Variants in ASB10 observed in about 807,000 individuals in gnomAD.
ASB10 encodes the protein ankyrin repeat and SOCS box containing 10.
Under a neutral mutation model 35.4 loss-of-function variants are expected in ASB10, and 44 were observed. The ratio of observed to expected loss-of-function variants is 1.24; its 90% CI spans 0.98 to 1.60. ASB10 has a LOEUF of 1.60. Among genes scored for constraint, ASB10 ranks in the 40% most tolerant of loss-of-function variants. The pLI is 0.00. For missense variants in ASB10, 647 were observed against 634.3 expected (o/e 1.02, Z -0.22); for synonymous variants, 294 against 280.4 (o/e 1.05, Z -0.49).
upstream of ASB10, chr7:151,187,353 A>C: frequency 3.9e-6 from 6 of 1,532,980 alleles, no homozygotes; most frequent in Non-Finnish European, 5.3e-6. The surrounding 1 kb of genome is among the most constrained non-coding windows in gnomAD (Gnocchi z 5.3). Context: ...GGGGAGAAAC[A>C]GCCGGGGGCT....
intron 2 of ASB10, 128 bp downstream of exon 2, chr7:151,186,264 C>A (rs1194894546): frequency 8.1e-7 from 1 of 1,233,758 alleles, no homozygotes; most frequent in South Asian, 1.6e-5. Context: ...AGTAATTGCA[C>A]CCTGACCCGC....
In ASB10 at chr7:151,181,432, C is replaced by T; in HGVS notation, c.611G>A (p.Gly204Glu). 1 of 1,603,208 alleles carries T rather than the reference C, an allele frequency of 6.2e-7. No individual in the cohort carries two copies. Among genetic ancestry groups the T allele is most frequent in the Non-Finnish European group, 8.5e-7 (1 of 1,173,068 alleles). ...CTCGGACCGACCATCCACTCTCGCTCCAAACCTGAGGAGCAGCTCCGCACA... is the reference window on the plus strand; with the variant it reads ...CTCGGACCGACCATCCACTCTCGCTTCAAACCTGAGGAGCAGCTCCGCACA... ...LECAELLLRF[G>E]ARVDGRSEEE... is the part of the protein sequence containing the mutation. Residue 204 changes from glycine (G) to glutamate (E), a missense_variant, in exon 3 of 6, where the codon GGA becomes GAA. By Grantham distance (98) the Gly-to-Glu change is moderately conservative (BLOSUM62 -2). Coordinates refer to ENST00000420175, the MANE Select transcript of ASB10 (RefSeq NM_001142459.2).
rs1801436360 is a variant in ASB10, at chr7:151,178,873, C to T, written c.1104+2066G>A. 3.9e-5 allele frequency among the ~76,000 whole-genome samples: 6 copies of T among 152,338 alleles called. No individual in the cohort carries two copies. The South Asian group carries it at 1.0e-3, about 26-fold the overall frequency. Reference sequence around the variant, plus strand: ...CAGGCTGGTTCTCTCCAACTCTCCTCTCCACCTGCCCCTCAGGCCCGTCTC... The same window carrying T: ...CAGGCTGGTTCTCTCCAACTCTCCTTTCCACCTGCCCCTCAGGCCCGTCTC... On this transcript the variant is annotated intron_variant, in intron 3 of 5. Transcript: ENST00000420175.
At position 151,176,211 on chromosome 7, in the gene ASB10, G is replaced by A. The variant is rs138510080; in HGVS notation, c.1305C>T (p.Ser435=). ...CTTGGGGCAGGCTGCCCTCCAGGTG[G>A]GAGCGGAGCGCACAGCGGCTCAAAT... ...LQHLSRCALR[S]HLEGSLPQAL... The change falls in exon 5 of 6, where the codon TCC becomes TCT. Residue 435 remains serine, a synonymous_variant. Coordinates refer to ENST00000420175, the MANE Select transcript of ASB10 (RefSeq NM_001142459.2). The A allele has an allele frequency of 8.7e-6, 14 of 1,608,642 alleles. No homozygotes were observed. Among genetic ancestry groups the A allele is most frequent in the Non-Finnish European group, 1.1e-5 (13 of 1,178,384 alleles).
At chr7:151,181,611 C>T (rs1801496421) in intron 2 of ASB10, among the ~76,000 whole-genome samples, 153 bp from the exon 3 acceptor site, 1 of 146,058 alleles carries the variant, frequency 6.8e-6, no homozygotes, top group African/African-American at 2.5e-5. Flanking sequence ...CAACAGTGCC[C>T]TTCTTTTTTT....
Position 151,186,962 on chromosome 7 carries a change from C to G in ASB10, c.169G>C (p.Ala57Pro). The stretch of plus-strand genomic sequence containing the variant: ...CCAGCCAGCACTGCCTGCCAGAAGG[C>G]AAGGGCAGGTCCTGAGGCTGTGCGG... Reference protein sequence around the residue: ...VTRTASGPALAFWQAVLAGDV... With the variant: ...VTRTASGPALPFWQAVLAGDV... The change falls in exon 1 of 6, where the codon GCC (alanine) becomes CCC (proline). Residue 57 changes from alanine to proline, a missense_variant. Physicochemically the swap from Ala to Pro is conservative, Grantham distance 27. Coordinates refer to ENST00000420175, the MANE Select transcript of ASB10 (RefSeq NM_001142459.2). The G allele has an allele frequency of 6.2e-7, 1 of 1,613,884 alleles. No homozygotes were observed. The highest frequency in any genetic ancestry group is 8.5e-7 in the Non-Finnish European group (1 of 1,180,018).
In ASB10 at chr7:151,187,116, C is replaced by A. The variant is rs750229976; in HGVS notation, c.15G>T (p.Trp5Cys). The A allele has an allele frequency of 8.2e-6, 13 of 1,591,124 alleles. No individual in the cohort carries two copies. The Admixed American group carries it at 2.3e-4, about 29-fold the overall frequency. The change falls in exon 1 of 6, where the codon TGG (tryptophan) becomes TGT (cysteine). Residue 5 changes from tryptophan to cysteine, a missense_variant. Coordinates refer to ENST00000420175, the MANE Select transcript of ASB10 (RefSeq NM_001142459.2). This position sits in a 1 kb window ranked among gnomAD's most constrained non-coding sequence, Gnocchi z 5.3. ...CCTGCCCCTTGCACTCTTCTGGAGA[C>A]CAACTCATGAGCATGTGGGCAGGGA... MLMS[W>C]SPEECKGQGE...
chr7:151,181,173 C>A lies in ASB10; in HGVS notation c.870G>T (p.Ala290=), dbSNP rs2253592. ...GCAGGGGTCGCTGCTTGTCCTGGTCCGCAGCATCAGCGTCTGCTCCAGCTG... is the reference window on the plus strand; with the variant it reads ...GCAGGGGTCGCTGCTTGTCCTGGTCAGCAGCATCAGCGTCTGCTCCAGCTG... ...LLSAGADADA[A]DQDKQRPLHL... is the part of the protein sequence containing the mutation. Residue 290 remains alanine, a synonymous_variant, in exon 3 of 6, where the codon GCG becomes GCT. Transcript: ENST00000420175. 3.3e-5 allele frequency: 53 copies of A among 1,610,232 alleles called. No homozygotes were observed. The African/African-American group carries it at 5.1e-4, about 15-fold the overall frequency.
chr7:151,182,762 G>A (rs575147588), intron 2 of ASB10, among the ~76,000 whole-genome samples: 21 of 152,118 alleles, frequency 1.4e-4, no homozygotes, highest in African/African-American at 4.1e-4. Flanking sequence ...TCCACCTTCC[G>A]AGGTGGTTGT....
rs1356600356 is a variant in ASB10 at position 151,178,521 on chromosome 7, G to A, written c.1105-1845C>T. Among the ~76,000 whole-genome samples the A allele has an allele frequency of 7.2e-5, 11 of 152,338 alleles. 1 individual carries two copies. The East Asian group carries it at 9.6e-4, about 13-fold the overall frequency. Reference sequence around the variant, plus strand: ...CCACTCTCGCTGCATCTATGCAGGCGATGGCCACAGAGCCTTTTGAGATCT... The same window carrying A: ...CCACTCTCGCTGCATCTATGCAGGCAATGGCCACAGAGCCTTTTGAGATCT... On this transcript the variant is annotated intron_variant, in intron 3 of 5. Coordinates refer to ENST00000420175, the MANE Select transcript of ASB10 (RefSeq NM_001142459.2).
chr7:151,184,996 T>G (rs565988959), intron 2 of ASB10, among the ~76,000 whole-genome samples: 1 of 151,892 alleles, frequency 6.6e-6, no homozygotes, highest in South Asian at 2.1e-4. Flanking sequence ...CACTCCAGCC[T>G]GGGCGGCAGA....
chr7:151,180,993 A>T lies in ASB10; in HGVS notation c.1050T>A (p.Val350=). 6.3e-7 allele frequency: 1 copy of T among 1,596,684 alleles called. No individual in the cohort carries two copies. Among genetic ancestry groups the T allele is most frequent in the Non-Finnish European group, 8.6e-7 (1 of 1,168,288 alleles). ...CGGCGCCATGGTTGAGCAGAGCCCG[A>T]ACCACGTGCTCGGGGCTCTGGGCCA... The part of the protein sequence containing the change: ...AALAQSPEHV[V]RALLNHGAVR... The change falls in exon 3 of 6, where the codon GTT becomes GTA. Residue 350 remains valine (V), a synonymous_variant. Coordinates refer to ENST00000420175, the MANE Select transcript of ASB10 (RefSeq NM_001142459.2).
chr7:151,178,482 T>G (rs1801429965), intron 3 of ASB10, among the ~76,000 whole-genome samples: 1 of 152,184 alleles, frequency 6.6e-6, no homozygotes, highest in Non-Finnish European at 1.5e-5. Context: ...GATTTGTGCC[T>G]CCTCCACTGC....
intron 2 of ASB10, among the ~76,000 whole-genome samples, chr7:151,183,119 G>A (rs878918365): frequency 2.6e-5 from 4 of 152,120 alleles, no homozygotes; most frequent in Admixed American, 6.6e-5. Flanking sequence ...ACTGAGATGC[G>A]GTGTGTTATA....
chr7:151,187,276 C>T, upstream of ASB10: 1 of 1,508,586 alleles, frequency 6.6e-7, no homozygotes, highest in Non-Finnish European at 8.9e-7. This position sits in a 1 kb window ranked among gnomAD's most constrained non-coding sequence, Gnocchi z 5.3. Flanking sequence ...CCAGCAGGAG[C>T]TATTCTGGGC....
intron 5 of ASB10, 68 bp downstream of exon 5, chr7:151,176,044 C>T (rs1801378997): frequency 6.4e-7 from 1 of 1,555,942 alleles, no homozygotes; most frequent in African/African-American, 1.4e-5. Context: ...CTCCCCAACC[C>T]TTCTCTTGCC....
intron 2 of ASB10, among the ~76,000 whole-genome samples, chr7:151,183,450 C>T (rs186839693): frequency 3.3e-5 from 5 of 152,284 alleles, no homozygotes; most frequent in Admixed American, 6.5e-5. Context: ...CTCTGTCACC[C>T]AGGCTGGAAT....
chr7:151,181,783 T>G (rs1356135624), intron 2 of ASB10, among the ~76,000 whole-genome samples: 2 of 152,058 alleles, frequency 1.3e-5, no homozygotes, highest in Non-Finnish European at 2.9e-5. Context: ...CGGCTAGTTT[T>G]TTGTGTATTT....
chr7:151,180,923 C>A lies in ASB10; in HGVS notation c.1104+16G>T. ...CCTCACCATGGTGGCCCTCCTGCTG[C>A]CTGCAGCCCCCATACCTTGGGGAGG... On this transcript the variant is annotated intron_variant, in intron 3 of 5. Transcript: ENST00000420175. 6.7e-7 allele frequency: 1 copy of A among 1,481,516 alleles called. No homozygotes were observed. Among genetic ancestry groups the A allele is most frequent in the Admixed American group, 2.4e-5 (1 of 41,020 alleles). 91.8% of individuals were successfully genotyped at this position (1,481,516 alleles called of 1,614,324 possible). A position where few individuals can be genotyped will look rare whatever the true frequency, so the allele number is the denominator to read the frequency against.
Sources: allele counts gnomAD v4.1 joint callset (sites outside exome capture counted in the v4.1 genomes callset), GRCh38; gene constraint gnomAD v4.1.1; non-coding constraint Gnocchi (gnomAD v3.1); transcripts MANE v1.5; gene names NCBI Gene and HGNC (gene_info 2026-07-23, HGNC 2026-07-21).